KALRN: variants seen among roughly 807,000 people sequenced by gnomAD.
The protein encoded by KALRN is kalirin RhoGEF kinase, also known as kalirin.
KALRN carries 70 observed loss-of-function variants against 353.7 expected under a neutral mutation model. The observed-to-expected ratio is 0.20, with a 90% confidence interval of 0.16 to 0.24. The LOEUF is 0.24. Ranked by LOEUF, KALRN falls within the 10% of genes least tolerant of loss-of-function variation. The probability of loss-of-function intolerance (pLI) is 1.00; values close to 1 mark genes in which losing one functional copy is unlikely to be tolerated. For missense variants in KALRN, 2,791 were observed against 3,756.7 expected, an observed-to-expected ratio of 0.74 and a Z score of 6.72; for synonymous variants, 1,391 against 1,434.8, an observed-to-expected ratio of 0.97 and a Z score of 0.69.
chr3:124,588,221 G>A (rs1329016620), intron 34 of KALRN, among the ~76,000 whole-genome samples: 1 of 152,174 alleles, frequency 6.6e-6, no homozygotes, highest in Admixed American at 6.5e-5. Context: ...TCTAAGGGGT[G>A]ATAAATCATT....
At chr3:124,390,505 A>T (rs2089195391) in intron 11 of KALRN, among the ~76,000 whole-genome samples, 1 of 152,220 alleles carries the variant, frequency 6.6e-6, no homozygotes, top group African/African-American at 2.4e-5. Flanking sequence ...TTGGTCTTCA[A>T]GAGAGATGAT....
intron 35 of KALRN, among the ~76,000 whole-genome samples, chr3:124,633,342 A>T (rs1466357795): frequency 6.6e-6 from 1 of 152,178 alleles, no homozygotes; most frequent in Non-Finnish European, 1.5e-5. Context: ...AAGACAGTGG[A>T]TATGTTTTGG....
chr3:124,135,926 G>A (rs1254334524), intron 1 of KALRN, among the ~76,000 whole-genome samples: 1 of 152,162 alleles, frequency 6.6e-6, no homozygotes, highest in East Asian at 1.9e-4. Flanking sequence ...TCCTTCAAGG[G>A]ACTGTTACAT....
intron 47 of KALRN, among the ~76,000 whole-genome samples, chr3:124,669,124 T>C (rs2086053593): frequency 6.6e-6 from 1 of 152,216 alleles, no homozygotes; most frequent in Admixed American, 6.5e-5. Context: ...TCCTACTTTT[T>C]TCAAGTGAGG....
At chr3:124,451,004 G>C (rs2058720042) in intron 21 of KALRN, among the ~76,000 whole-genome samples, 1 of 151,894 alleles carries the variant, frequency 6.6e-6, no homozygotes, top group African/African-American at 2.4e-5. Flanking sequence ...CCTGCACAAG[G>C]AGCTCAGTAA....
At chr3:124,042,942 C>A (rs1271350728) in intron 1 of KALRN, among the ~76,000 whole-genome samples, 1 of 152,088 alleles carries the variant, frequency 6.6e-6, no homozygotes, top group African/African-American at 2.4e-5. Flanking sequence ...GAATTAAGGG[C>A]AGAGTGCCAA....
chr3:124,605,583 AAAAAG>A (rs1232150828), intron 34 of KALRN, among the ~76,000 whole-genome samples: 8 of 131,154 alleles, frequency 6.1e-5, no homozygotes, highest in Non-Finnish European at 7.8e-5. Context: ...AAAAAAAAAA[AAAAAG>A]AGAGAGAGAG....
chr3:124,439,200 T>TCTCACACACACACACACACA (rs1553969726), intron 18 of KALRN, among the ~76,000 whole-genome samples, 163 bp downstream of exon 18: 2 of 98,966 alleles, frequency 2.0e-5, no homozygotes, highest in African/African-American at 3.5e-5. Context: ...TCTCTCTCTC[T>TCTCACACACACACACACACA]CACACACACA....
intron 1 of KALRN, among the ~76,000 whole-genome samples, chr3:124,151,268 C>T (rs767292286): frequency 1.3e-5 from 2 of 152,140 alleles, no homozygotes; most frequent in Non-Finnish European, 2.9e-5. Flanking sequence ...AAAAGTTTTC[C>T]AAAGCAGTTA....
chr3:124,281,086 A>C (rs2075299061), intron 5 of KALRN, among the ~76,000 whole-genome samples: 1 of 152,166 alleles, frequency 6.6e-6, no homozygotes, highest in African/African-American at 2.4e-5. Flanking sequence ...CACGCAAAGG[A>C]ATATTAATCT....
At chr3:124,717,753 A>G (rs2063214190) in intron 59 of KALRN, among the ~76,000 whole-genome samples, 1 of 152,232 alleles carries the variant, frequency 6.6e-6, no homozygotes, top group Non-Finnish European at 1.5e-5. Context: ...CCAACTTACC[A>G]GTCATTACTC....
chr3:124,484,979 C>T (rs1258550923), intron 28 of KALRN, among the ~76,000 whole-genome samples: 1 of 152,146 alleles, frequency 6.6e-6, no homozygotes, highest in Non-Finnish European at 1.5e-5. Flanking sequence ...GCCTGTAATC[C>T]CAGCTACTCA....
chr3:124,582,096 C>T (rs2074687194), intron 34 of KALRN, among the ~76,000 whole-genome samples: 1 of 151,144 alleles, frequency 6.6e-6, no homozygotes, highest in African/African-American at 2.4e-5. Context: ...TCTCCGCTCA[C>T]TGCAACCTCC....
intron 34 of KALRN, among the ~76,000 whole-genome samples, chr3:124,592,309 CAAAAAA>C (rs10575664): frequency 2.9e-4 from 35 of 120,656 alleles, no homozygotes; most frequent in Admixed American, 4.4e-4. Flanking sequence ...CTCAAAGAAA[CAAAAAA>C]AAAAAAAAAA....
intron 3 of KALRN, among the ~76,000 whole-genome samples, chr3:124,235,441 A>G (rs1579806024): frequency 2.0e-5 from 3 of 152,188 alleles, no homozygotes; most frequent in Non-Finnish European, 4.4e-5. Context: ...AAAGTGTGAG[A>G]AACACTGGTC....
intron 1 of KALRN, among the ~76,000 whole-genome samples, chr3:124,124,945 C>T (rs1191511250): frequency 6.6e-6 from 1 of 152,142 alleles, no homozygotes; most frequent in African/African-American, 2.4e-5. Flanking sequence ...GAACCAAACC[C>T]TCAATACCTC....
intron 5 of KALRN, among the ~76,000 whole-genome samples, chr3:124,277,953 G>A (rs1318599688): frequency 6.6e-6 from 1 of 151,936 alleles, no homozygotes; most frequent in Admixed American, 6.6e-5. Context: ...GTCTGCAGCA[G>A]TTGAGGTGAG....
At chr3:124,262,938 TATTTTAA>T (rs1156914322) in intron 3 of KALRN, among the ~76,000 whole-genome samples, 2 of 152,202 alleles carry the variant, frequency 1.3e-5, no homozygotes, top group Non-Finnish European at 2.9e-5. Flanking sequence ...CTGGTATTTA[TATTTTAA>T]AATGTGAAGT....
intron 1 of KALRN, among the ~76,000 whole-genome samples, chr3:124,072,051 T>G (rs1284756240): frequency 6.6e-6 from 1 of 152,184 alleles, no homozygotes; most frequent in East Asian, 1.9e-4. Flanking sequence ...CTATGCAAGT[T>G]TTCAAGTTTT....
Sources: gnomAD v4.1 joint callset for allele counts (sites outside exome capture counted in the v4.1 genomes callset) on GRCh38, gnomAD v4.1.1 for gene constraint, MANE v1.5 for transcripts, NCBI Gene and HGNC (gene_info 2026-07-23, HGNC 2026-07-21) for gene names.